Variants in AK7 observed in about 807,000 individuals in gnomAD.
The protein encoded by AK7 is ATP-AMP transphosphorylase 7.
AK7 carries 78 observed loss-of-function variants against 96.6 expected under a neutral mutation model. That is an observed-to-expected ratio of 0.81 (90% CI 0.67 to 0.97). The LOEUF (loss-of-function observed/expected upper bound fraction) is 0.97, where lower values mean the gene tolerates loss of function less well. Among genes scored for constraint, AK7 ranks in the 50% least tolerant of loss-of-function variants. The probability of loss-of-function intolerance (pLI) is 0.00; values close to 1 mark genes in which losing one functional copy is unlikely to be tolerated. For missense variants in AK7, 855 were observed against 887.9 expected (o/e 0.96, Z 0.47); for synonymous variants, 302 against 317.2 (o/e 0.95, Z 0.51).
rs560120265 is a variant in AK7 at position 96,485,670 on chromosome 14, T to A, written c.1975-1228T>A. On this transcript the variant is annotated intron_variant, in intron 16 of 17. Coordinates refer to ENST00000267584, the MANE Select transcript of AK7 (RefSeq NM_152327.5). The stretch of plus-strand genomic sequence containing the variant: ...TTTTTTAACATTATTTATGGTATTT[T>A]CTCTGACCACACAAAAGTTTCATGT... Among the ~76,000 whole-genome samples, 4 of 152,352 alleles carry A rather than the reference T, an allele frequency of 2.6e-5. No individual in the cohort carries two copies. In the East Asian group the frequency reaches 7.7e-4, roughly 29 times the overall value.
chr14:96,438,897 T>C (rs913137688), intron 6 of AK7, among the ~76,000 whole-genome samples: 4 of 151,868 alleles, frequency 2.6e-5, no homozygotes, highest in Non-Finnish European at 5.9e-5. Context: ...GAAGAGAGAG[T>C]CAATGGGATT....
At chr14:96,417,781 C>T (rs1345266529) in intron 4 of AK7, among the ~76,000 whole-genome samples, 1 of 152,148 alleles carries the variant, frequency 6.6e-6, no homozygotes, top group Admixed American at 6.6e-5. Context: ...ATGTCATTCA[C>T]AACTCTGATA....
At position 96,489,102 on chromosome 14, in the gene AK7, G is replaced by A. The variant is rs1236660409; in HGVS notation, c.*759G>A. 1 of 152,082 alleles carries A rather than the reference G, an allele frequency of 6.6e-6. No homozygotes were observed. Among genetic ancestry groups the A allele is most frequent in the Non-Finnish European group, 1.5e-5 (1 of 68,004 alleles). 9.4% of individuals were successfully genotyped at this position (152,082 alleles called of 1,614,324 possible). The stretch of plus-strand genomic sequence containing the variant: ...TACCCTAAATGAGAAATTAGTTTAG[G>A]TTTAATGGCATATGTATTTTATCTC... On this transcript the variant is annotated 3_prime_UTR_variant, in exon 18 of 18. Coordinates refer to ENST00000267584, the MANE Select transcript of AK7 (RefSeq NM_152327.5).
intron 2 of AK7, 53 bp downstream of exon 2, chr14:96,398,316 G>A (rs527666689): frequency 5.0e-5 from 79 of 1,574,526 alleles, no homozygotes; most frequent in African/African-American, 4.9e-4. Context: ...GTCACCTTCC[G>A]CTCCAACGCC....
At chr14:96,463,625 C>G (rs986708556) in intron 12 of AK7, among the ~76,000 whole-genome samples, 1 of 147,418 alleles carries the variant, frequency 6.8e-6, no homozygotes, top group Non-Finnish European at 1.5e-5. Context: ...GAGGCTGAGG[C>G]AGGAGAATGG....
intron 12 of AK7, 54 bp from the exon 13 acceptor site, chr14:96,471,424 T>G: frequency 9.9e-7 from 1 of 1,008,232 alleles, no homozygotes; most frequent in Non-Finnish European, 1.4e-6. Flanking sequence ...AAACAACTCT[T>G]ACTTAGAATG....
chr14:96,409,652 T>C (rs1391985036), intron 4 of AK7, among the ~76,000 whole-genome samples: 1 of 152,122 alleles, frequency 6.6e-6, no homozygotes, highest in African/African-American at 2.4e-5. Flanking sequence ...ATATTCAGAG[T>C]CCATCTCTGA....
At chr14:96,463,139 AAAAC>A (rs72136096) in intron 12 of AK7, among the ~76,000 whole-genome samples, 50,850 of 151,020 alleles carry the variant, frequency 0.34, 8,803 homozygotes, top group South Asian at 0.44. Context: ...TCCGCCTCAA[AAAAC>A]AAACAAACAA....
At chr14:96,407,905 A>G (rs1419788170) in intron 3 of AK7, among the ~76,000 whole-genome samples, 3 of 152,124 alleles carry the variant, frequency 2.0e-5, no homozygotes, top group Admixed American at 6.5e-5. Flanking sequence ...ATTATACATC[A>G]TGAAGAATAT....
chr14:96,447,259 G>A (rs1181196376), intron 8 of AK7, among the ~76,000 whole-genome samples: 1 of 152,152 alleles, frequency 6.6e-6, no homozygotes, highest in Non-Finnish European at 1.5e-5. Context: ...ATATGATCAG[G>A]TTCACCAACC....
chr14:96,461,783 G>T (rs970484357), intron 12 of AK7, among the ~76,000 whole-genome samples: 1 of 151,976 alleles, frequency 6.6e-6, no homozygotes, highest in African/African-American at 2.4e-5. Context: ...ACGGGGTTTC[G>T]CCATGTTGGC....
At chr14:96,472,319 G>A (rs779906855) in intron 13 of AK7, among the ~76,000 whole-genome samples, 12 of 152,084 alleles carry the variant, frequency 7.9e-5, no homozygotes, top group African/African-American at 2.2e-4. Context: ...GCATGACCAC[G>A]CCCGACTAAT....
At chr14:96,422,032 AG>A (rs1421868100) in intron 5 of AK7, among the ~76,000 whole-genome samples, 3 of 152,198 alleles carry the variant, frequency 2.0e-5, no homozygotes, top group Non-Finnish European at 4.4e-5. Context: ...AGCTGGGTCC[AG>A]GGGGGTCACC....
At chr14:96,414,471 A>T (rs547039435) in intron 4 of AK7, among the ~76,000 whole-genome samples, 21 of 152,194 alleles carry the variant, frequency 1.4e-4, no homozygotes, top group Non-Finnish European at 2.9e-4. Context: ...ATTAGGAGAG[A>T]CTTCAAGGAA....
chr14:96,455,258 G>A (rs1893830882), intron 10 of AK7, among the ~76,000 whole-genome samples: 2 of 152,148 alleles, frequency 1.3e-5, no homozygotes, highest in Admixed American at 1.3e-4. Context: ...GCTGAGGCGG[G>A]AGGATTCCTT....
At chr14:96,411,383 C>T (rs999459899) in intron 4 of AK7, among the ~76,000 whole-genome samples, 3 of 150,376 alleles carry the variant, frequency 2.0e-5, no homozygotes, top group East Asian at 2.0e-4. Flanking sequence ...TGGTGGTACG[C>T]GCCTGTAGTC....
intron 2 of AK7, among the ~76,000 whole-genome samples, chr14:96,404,150 T>TAAA (rs34091316): frequency 4.1e-4 from 41 of 99,708 alleles, no homozygotes; most frequent in South Asian, 6.9e-4. Context: ...TGTCTCAAAT[T>TAAA]AAAAAAAAAA....
chr14:96,456,691 G>A (rs931010335), intron 11 of AK7: 1 of 398,452 alleles, frequency 2.5e-6, no homozygotes, highest in East Asian at 4.9e-5. Flanking sequence ...GGCCACACTG[G>A]CGTCAGAGAG....
rs530398565 is a variant in AK7 at position 96,471,596 on chromosome 14, C to T, written c.1476C>T (p.Asp492=). ...GFPKTYDQAK[D]LFNQEDEEEE... ...CAAAGACCTATGATCAAGCAAAAGACCTGTTCAATCGTAAGTTTGAGTGTT... is the reference window on the plus strand; with the variant it reads ...CAAAGACCTATGATCAAGCAAAAGATCTGTTCAATCGTAAGTTTGAGTGTT... The change falls in exon 13 of 18, where the codon GAC becomes GAT. Residue 492 remains aspartate, a synonymous_variant. Coordinates refer to ENST00000267584, the MANE Select transcript of AK7 (RefSeq NM_152327.5). 18 of 1,565,224 alleles carry T rather than the reference C, an allele frequency of 1.2e-5. No individual in the cohort carries two copies. In the Admixed American group the frequency reaches 2.0e-4, roughly 17 times the overall value.
Sources: gnomAD v4.1 joint callset for allele counts (sites outside exome capture counted in the v4.1 genomes callset) on GRCh38, gnomAD v4.1.1 for gene constraint, MANE v1.5 for transcripts, NCBI Gene and HGNC (gene_info 2026-07-23, HGNC 2026-07-21) for gene names.